Variants in ESRRB observed in about 807,000 individuals in gnomAD.
The protein encoded by ESRRB is steroid hormone receptor ERR2.
In ESRRB, 16 loss-of-function variants were observed where a neutral mutation model predicts 46.0. The ratio of observed to expected loss-of-function variants is 0.35; its 90% confidence interval spans 0.24 to 0.53. ESRRB has a LOEUF of 0.53. ESRRB is among the 20% of genes least tolerant of loss of function. ESRRB has a pLI of 0.93. For missense variants in ESRRB, 488 were observed against 607.4 expected, an observed-to-expected ratio of 0.80 and a Z score of 2.07; for synonymous variants, 246 against 259.6, an observed-to-expected ratio of 0.95 and a Z score of 0.50.
intron 1 of ESRRB, among the ~76,000 whole-genome samples, chr14:76,422,923 A>G (rs1887033149): frequency 6.6e-6 from 1 of 152,208 alleles, no homozygotes; most frequent in African/African-American, 2.4e-5. Flanking sequence ...TCTGAAGTCA[A>G]GCAACCCCTT....
intron 1 of ESRRB, among the ~76,000 whole-genome samples, chr14:76,312,043 T>C (rs1028114734): frequency 5.3e-5 from 8 of 151,904 alleles, no homozygotes; most frequent in Admixed American, 2.0e-4. Flanking sequence ...TGTACCTTTT[T>C]TTTTTTTTAA....
At chr14:76,458,361 C>A (rs1888699523) in intron 2 of ESRRB, among the ~76,000 whole-genome samples, 1 of 151,862 alleles carries the variant, frequency 6.6e-6, no homozygotes, top group Non-Finnish European at 1.5e-5. Context: ...TGGCAGCTAG[C>A]CGCTGGGGCC....
intron 1 of ESRRB, among the ~76,000 whole-genome samples, chr14:76,383,541 T>C (rs766506972): frequency 5.9e-5 from 9 of 152,218 alleles, no homozygotes; most frequent in Non-Finnish European, 1.3e-4. Context: ...TTCTCTCGTG[T>C]TTTACAATTT....
At position 76,498,627 on chromosome 14, in the gene ESRRB, G is replaced by T. The variant is rs550334730; in HGVS notation, c.*169G>T. On this transcript the variant is annotated 3_prime_UTR_variant, in exon 7 of 7. Transcript: ENST00000644823. ...GGCTGTGTGCAGACTCCCGGGTGCA[G>T]TGGGGTGGGGGACGGGGATGGGGGG... 3.3e-5 allele frequency: 44 copies of T among 1,344,266 alleles called. No individual in the cohort carries two copies. In the East Asian group the frequency reaches 1.6e-3, roughly 47 times the overall value. The allele number at this position is 1,344,266 out of a possible 1,614,324, so 83.3% of individuals were successfully genotyped here. A position where few individuals can be genotyped will look rare whatever the true frequency, so the allele number is the denominator to read the frequency against.
chr14:76,481,706 A>G (rs964086419), intron 3 of ESRRB, among the ~76,000 whole-genome samples: 2 of 152,204 alleles, frequency 1.3e-5, no homozygotes, highest in Admixed American at 1.3e-4. Context: ...TCTTCCGCCA[A>G]CACTTGGTAG....
intron 1 of ESRRB, among the ~76,000 whole-genome samples, chr14:76,380,682 C>T (rs990138848): frequency 6.6e-6 from 1 of 152,154 alleles, no homozygotes; most frequent in East Asian, 1.9e-4. Context: ...GCGAGGATGC[C>T]GCACAGCTCC....
chr14:76,375,801 C>A (rs762577265), upstream of ESRRB, among the ~76,000 whole-genome samples: 12 of 152,160 alleles, frequency 7.9e-5, no homozygotes, highest in Non-Finnish European at 1.5e-4. Flanking sequence ...GCTAGACCTG[C>A]CAGTTAAAAG....
At chr14:76,379,291 G>A (rs1473003077) in intron 1 of ESRRB, among the ~76,000 whole-genome samples, 1 of 152,166 alleles carries the variant, frequency 6.6e-6, no homozygotes, top group African/African-American at 2.4e-5. Context: ...GTACAAATGG[G>A]TCCATGACTG....
intron 1 of ESRRB, chr14:76,404,342 A>G (rs1886078079): frequency 6.7e-6 from 1 of 148,866 alleles, no homozygotes; most frequent in Non-Finnish European, 1.5e-5. Context: ...TTCTTTATAT[A>G]TATTATTTAT....
Position 76,491,441 on chromosome 14 carries a change from C to T in ESRRB, c.851-6C>T. 1 of 1,607,596 alleles carries T rather than the reference C, an allele frequency of 6.2e-7. No individual in the cohort carries two copies. Among genetic ancestry groups the T allele is most frequent in the East Asian group, 2.2e-5 (1 of 44,658 alleles). ...CTGCTGCCCTCTGTGCCCCCTCTTC[C>T]TGCAGGCTTCTCAAGCCTCTCCCTG... On this transcript the variant is annotated splice_polypyrimidine_tract_variant and splice_region_variant and intron_variant, in intron 5 of 6. Transcript: ENST00000644823.
Position 76,334,150 on chromosome 14 carries a change from C to T in ESRRB, c.2+23234C>T, listed in dbSNP as rs538048275. On this transcript the variant is annotated intron_variant, in intron 1 of 6. Coordinates refer to the ESRRB transcript ENST00000512784. ...ATAAGAATAATAAATCTCTGAAGGA[C>T]GAACAGTCCAGGCAGAAACCAGCAG... Among the ~76,000 whole-genome samples, 8 of 152,170 alleles carry T rather than the reference C, an allele frequency of 5.3e-5. No homozygotes were observed. In the South Asian group the frequency reaches 1.0e-3, roughly 20 times the overall value.
chr14:76,442,659 GAC>G (rs780367097), intron 2 of ESRRB, among the ~76,000 whole-genome samples: 44 of 152,052 alleles, frequency 2.9e-4, no homozygotes, highest in Non-Finnish European at 5.1e-4. Context: ...TGTGATTTAA[GAC>G]ATATTATTAT....
rs1215975452 is a variant in ESRRB at position 76,499,778 on chromosome 14, C to T, written c.*1320C>T. On this transcript the variant is annotated 3_prime_UTR_variant, in exon 7 of 7. Transcript: ENST00000644823. ...CTCCTCTACCCCAGGCACACGGGGACAGTGGGTCACTCTATTTCTGTGGAT... is the reference window on the plus strand; with the variant it reads ...CTCCTCTACCCCAGGCACACGGGGATAGTGGGTCACTCTATTTCTGTGGAT... 2 of 1,148,640 alleles carry T rather than the reference C, an allele frequency of 1.7e-6. No homozygotes were observed. The highest frequency in any genetic ancestry group is 1.7e-5 in the Admixed American group (1 of 59,350). 71.2% of individuals were successfully genotyped at this position (1,148,640 alleles called of 1,614,324 possible). A position where few individuals can be genotyped will look rare whatever the true frequency, so the allele number is the denominator to read the frequency against.
chr14:76,358,587 A>G (rs930514484), intron 1 of ESRRB, among the ~76,000 whole-genome samples: 15 of 152,124 alleles, frequency 9.9e-5, no homozygotes, highest in African/African-American at 3.4e-4. Context: ...ACACTTCTGT[A>G]TGTATACTGT....
chr14:76,375,757 C>T (rs559825295), upstream of ESRRB, among the ~76,000 whole-genome samples: 2 of 152,308 alleles, frequency 1.3e-5, no homozygotes, highest in South Asian at 4.1e-4. Flanking sequence ...ATTTGGAAAA[C>T]AGATCCATTC....
chr14:76,367,986 T>C (rs949918274), upstream of ESRRB, among the ~76,000 whole-genome samples: 3 of 135,888 alleles, frequency 2.2e-5, no homozygotes, highest in African/African-American at 8.4e-5. Context: ...GGAGTCTCGC[T>C]CTGTCACCCA....
intron 2 of ESRRB, among the ~76,000 whole-genome samples, chr14:76,453,741 G>T (rs1465747726): frequency 1.3e-5 from 2 of 151,562 alleles, no homozygotes; most frequent in East Asian, 3.9e-4. Flanking sequence ...CTCCAAAGTA[G>T]CTGGTACCAC....
intron 1 of ESRRB, among the ~76,000 whole-genome samples, chr14:76,382,246 T>G (rs1462981984): frequency 6.6e-6 from 1 of 152,228 alleles, no homozygotes; most frequent in African/African-American, 2.4e-5. Context: ...ATGTTCCTGC[T>G]GACTGCTATA....
intron 1 of ESRRB, among the ~76,000 whole-genome samples, chr14:76,416,894 T>C (rs951750382): frequency 1.3e-5 from 2 of 152,160 alleles, no homozygotes; most frequent in African/African-American, 2.4e-5. Context: ...GGACAGATGA[T>C]AAACGGAGAA....
Sources: gnomAD v4.1 joint callset for allele counts (sites outside exome capture counted in the v4.1 genomes callset) on GRCh38, gnomAD v4.1.1 for gene constraint, MANE v1.5 for transcripts, NCBI Gene and HGNC (gene_info 2026-07-23, HGNC 2026-07-21) for gene names.